Variants in CSMD1 observed in about 807,000 individuals in gnomAD.
CSMD1 encodes the protein CUB and sushi domain-containing protein 1.
A neutral mutation model predicts 417.5 loss-of-function variants in CSMD1; 213 were observed. The observed-to-expected ratio is 0.51, with a 90% CI of 0.46 to 0.57. CSMD1 has a LOEUF of 0.57. Ranked by LOEUF, CSMD1 falls within the 20% of genes least tolerant of loss-of-function variation. CSMD1 has a pLI of 0.00. For synonymous variants in CSMD1, 2,862 were observed against 1,736.8 expected, an observed-to-expected ratio of 1.65 and a Z score of -16.11; for missense variants, 6,923 against 4,529.7, an observed-to-expected ratio of 1.53 and a Z score of -15.17.
chr8:4,231,149 G>T (rs897393876), intron 3 of CSMD1, among the ~76,000 whole-genome samples: 1 of 152,118 alleles, frequency 6.6e-6, no homozygotes, highest in Non-Finnish European at 1.5e-5. Flanking sequence ...AAACTAACAG[G>T]ATATTGATAT....
intron 1 of CSMD1, among the ~76,000 whole-genome samples, chr8:4,734,348 T>C (rs1810088740): frequency 6.6e-6 from 1 of 152,294 alleles, no homozygotes; most frequent in South Asian, 2.1e-4. Context: ...GCTTATTATA[T>C]AGTTATTTAG....
chr8:3,579,882 T>C (rs1164467922), intron 9 of CSMD1, among the ~76,000 whole-genome samples: 2 of 152,132 alleles, frequency 1.3e-5, no homozygotes, highest in African/African-American at 4.8e-5. Context: ...GGCGGGTGGA[T>C]TACCTGAGGT....
At chr8:3,436,146 A>G (rs756640386) in intron 12 of CSMD1, among the ~76,000 whole-genome samples, 4 of 152,024 alleles carry the variant, frequency 2.6e-5, no homozygotes, top group Non-Finnish European at 2.9e-5. Context: ...ATTTTTCTTT[A>G]TTGAATTTAT....
chr8:4,382,134 T>C (rs750365662), intron 3 of CSMD1, among the ~76,000 whole-genome samples: 1 of 152,206 alleles, frequency 6.6e-6, no homozygotes, highest in Non-Finnish European at 1.5e-5. Context: ...ATAAAGGACA[T>C]CTTTGACAAA....
chr8:3,747,084 G>A (rs1337592866), intron 6 of CSMD1, among the ~76,000 whole-genome samples: 2 of 152,226 alleles, frequency 1.3e-5, no homozygotes, highest in Non-Finnish European at 2.9e-5. Flanking sequence ...TAAGTAGTGG[G>A]AGCAGTATGA....
chr8:4,734,972 C>T (rs1312818609), intron 1 of CSMD1, among the ~76,000 whole-genome samples: 1 of 152,118 alleles, frequency 6.6e-6, no homozygotes, highest in Non-Finnish European at 1.5e-5. Flanking sequence ...GGAAAGTTTC[C>T]ATATGGATGT....
At position 3,189,019 on chromosome 8, in the gene CSMD1, A is replaced by T; in HGVS notation, c.5399-8T>A. 1 of 1,608,858 alleles carries T rather than the reference A, an allele frequency of 6.2e-7. No homozygotes were observed. The highest frequency in any genetic ancestry group is 8.5e-7 in the Non-Finnish European group (1 of 1,177,124). ...AATTGCCACTGCAGGGTACTAAAAG[A>T]CACAACCATATGTCATGAAATAAAG... is the stretch of plus-strand genomic sequence containing the variant. On this transcript the variant is annotated splice_region_variant and splice_polypyrimidine_tract_variant and intron_variant, in intron 34 of 69. Coordinates refer to ENST00000635120, the MANE Select transcript of CSMD1 (RefSeq NM_033225.6).
chr8:4,094,783 G>A (rs1800912481), intron 3 of CSMD1, among the ~76,000 whole-genome samples: 2 of 152,158 alleles, frequency 1.3e-5, no homozygotes, highest in Admixed American at 1.3e-4. Context: ...CACTGCGCAT[G>A]GAGTACTGGA....
intron 3 of CSMD1, among the ~76,000 whole-genome samples, chr8:4,318,462 T>TAG (rs1366818410): frequency 6.6e-6 from 1 of 152,066 alleles, no homozygotes; most frequent in Non-Finnish European, 1.5e-5. Flanking sequence ...AAAAGGTCAT[T>TAG]AGCAAGTAAT....
chr8:4,253,008 A>G (rs1202314032), intron 3 of CSMD1, among the ~76,000 whole-genome samples: 1 of 152,228 alleles, frequency 6.6e-6, no homozygotes, highest in Non-Finnish European at 1.5e-5. Flanking sequence ...ATGTCGGATT[A>G]TCGGTACCAG....
At chr8:4,148,603 A>T (rs187787968) in intron 3 of CSMD1, among the ~76,000 whole-genome samples, 96 of 151,966 alleles carry the variant, frequency 6.3e-4, no homozygotes, top group African/African-American at 2.2e-3. Context: ...GTCTGGTGAG[A>T]GCCTTGTGTG....
At chr8:3,332,096 G>C (rs887886659) in intron 23 of CSMD1, among the ~76,000 whole-genome samples, 9 of 152,200 alleles carry the variant, frequency 5.9e-5, no homozygotes, top group Non-Finnish European at 7.3e-5. Context: ...ACACATGATA[G>C]ATACGTAGGG....
intron 1 of CSMD1, among the ~76,000 whole-genome samples, chr8:4,711,376 T>C (rs1808286004): frequency 6.6e-6 from 1 of 152,188 alleles, no homozygotes; most frequent in Non-Finnish European, 1.5e-5. Context: ...GAAATTAATG[T>C]TAAATTGCAT....
chr8:4,756,414 G>C (rs1811671382), intron 1 of CSMD1, among the ~76,000 whole-genome samples: 1 of 152,124 alleles, frequency 6.6e-6, no homozygotes, highest in African/African-American at 2.4e-5. Flanking sequence ...AAGAACAGTG[G>C]TGAGTTCATC....
intron 7 of CSMD1, among the ~76,000 whole-genome samples, chr8:3,703,840 G>T (rs1801011332): frequency 6.6e-6 from 1 of 152,142 alleles, no homozygotes; most frequent in African/African-American, 2.4e-5. Flanking sequence ...GGAGGCCAAG[G>T]CAGGAAGATC....
At chr8:4,885,899 G>C (rs1803706180) in intron 1 of CSMD1, among the ~76,000 whole-genome samples, 1 of 152,026 alleles carries the variant, frequency 6.6e-6, no homozygotes, top group Non-Finnish European at 1.5e-5. Flanking sequence ...TCTCCATGCT[G>C]ACAAAGATTT....
intron 10 of CSMD1, among the ~76,000 whole-genome samples, chr8:3,527,459 C>G (rs979068997): frequency 6.6e-6 from 1 of 151,852 alleles, no homozygotes; most frequent in Non-Finnish European, 1.5e-5. Flanking sequence ...TCTGTGTGGG[C>G]GAGGGTGGGA....
intron 18 of CSMD1, among the ~76,000 whole-genome samples, chr8:3,378,875 C>T (rs1054490625): frequency 1.2e-4 from 18 of 152,116 alleles, no homozygotes; most frequent in African/African-American, 1.7e-4. Flanking sequence ...CTATTCAACA[C>T]AGTATTGGAA....
chr8:3,380,738 T>C (rs1810578889), intron 18 of CSMD1, among the ~76,000 whole-genome samples: 2 of 152,160 alleles, frequency 1.3e-5, no homozygotes, highest in African/African-American at 4.8e-5. Context: ...TGGGTCCTGT[T>C]CGGAGAATGC....
Sources: gnomAD v4.1 joint callset for allele counts (sites outside exome capture counted in the v4.1 genomes callset) on GRCh38, gnomAD v4.1.1 for gene constraint, MANE v1.5 for transcripts, NCBI Gene and HGNC (gene_info 2026-07-23, HGNC 2026-07-21) for gene names.